VPS35L: variants seen among roughly 807,000 people sequenced by gnomAD.
The protein encoded by VPS35L is VPS35 endosomal protein sorting factor like.
In VPS35L, 83 loss-of-function variants were observed where a neutral mutation model predicts 133.0. The ratio of observed to expected loss-of-function variants is 0.62; its 90% CI spans 0.52 to 0.75. VPS35L has a LOEUF of 0.75. VPS35L is among the 30% of genes least tolerant of loss of function. VPS35L has a pLI of 0.00. For synonymous variants in VPS35L, 423 were observed against 449.9 expected, an observed-to-expected ratio of 0.94 and a Z score of 0.76; for missense variants, 1,083 against 1,206.8, an observed-to-expected ratio of 0.90 and a Z score of 1.52.
rs886799389 is a variant in VPS35L, at chr16:19,651,920, A to T, written c.2107-56A>T. The T allele has an allele frequency of 2.3e-5, 28 of 1,202,060 alleles. No individual in the cohort carries two copies. In the African/African-American group the frequency reaches 3.9e-4, roughly 17 times the overall value. The allele number at this position is 1,202,060 out of a possible 1,614,324, so 74.5% of individuals were successfully genotyped here. On this transcript the variant is annotated intron_variant, in intron 25 of 30. Transcript: ENST00000417362. ...GAAATACATGAGGGATGAAAACAGG[A>T]GTATGATTCTGCCACCGTTGCACTG...
Position 19,616,756 on chromosome 16 carries a change from A to G in VPS35L, c.1172A>G (p.Tyr391Cys). 6.2e-7 allele frequency: 1 copy of G among 1,613,926 alleles called. No individual in the cohort carries two copies. Among genetic ancestry groups the G allele is most frequent in the East Asian group, 2.2e-5 (1 of 44,874 alleles). ...GVELPSYLPL[Y>C]PPAMDWIFQC... ...GAGCTCCCATCTTACCTCCCCTTGT[A>G]CCCGCCTGCCATGGACTGGATCTTC... The change falls in exon 14 of 31, where the codon TAC becomes TGC. Residue 391 changes from tyrosine (Y) to cysteine (C), a missense_variant. Coordinates refer to ENST00000417362, the MANE Select transcript of VPS35L (RefSeq NM_020314.7).
intron 8 of VPS35L, among the ~76,000 whole-genome samples, chr16:19,593,856 G>T (rs1972117339): frequency 6.6e-6 from 1 of 151,522 alleles, no homozygotes; most frequent in South Asian, 2.1e-4. Context: ...GGTGGAGATT[G>T]CAGTGGGCCA....
chr16:19,567,961 C>A lies in VPS35L; in HGVS notation c.118-1463C>A, dbSNP rs372052288. ...CTCCAGGCTTAGTGACAAAGCGAGA[C>A]CCTGTCTCCAAAAAAAAAAAAAAAA... On this transcript the variant is annotated intron_variant, in intron 2 of 30. Transcript: ENST00000417362. Among the ~76,000 whole-genome samples the A allele has an allele frequency of 8.2e-5, 12 of 145,468 alleles. No homozygotes were observed. The East Asian group carries it at 1.8e-3, about 22-fold the overall frequency.
chr16:19,571,346 A>C lies in VPS35L; in HGVS notation c.285+1755A>C, dbSNP rs565107148. Among the ~76,000 whole-genome samples the C allele has an allele frequency of 4.6e-5, 7 of 152,076 alleles. No individual in the cohort carries two copies. The South Asian group carries it at 1.5e-3, about 32-fold the overall frequency. On this transcript the variant is annotated intron_variant, in intron 3 of 30. Coordinates refer to ENST00000417362, the MANE Select transcript of VPS35L (RefSeq NM_020314.7). Reference sequence around the variant, plus strand: ...ATCCCCCTGCCTCAGCCTCTCGAGCAGCTGGGACTTCAGGTGTGTGCCACC... The same window carrying C: ...ATCCCCCTGCCTCAGCCTCTCGAGCCGCTGGGACTTCAGGTGTGTGCCACC...
intron 22 of VPS35L, among the ~76,000 whole-genome samples, chr16:19,644,590 G>T (rs1421743544): frequency 6.6e-6 from 1 of 152,096 alleles, no homozygotes; most frequent in Non-Finnish European, 1.5e-5. Flanking sequence ...TACAAAATTT[G>T]ACATTAGACC....
chr16:19,607,755 C>G (rs1343844580), intron 9 of VPS35L: 3 of 159,062 alleles, frequency 1.9e-5, no homozygotes, highest in Non-Finnish European at 4.2e-5. Flanking sequence ...GGTAGGTAAC[C>G]AAGAACCTCT....
chr16:19,637,763 A>G, intron 20 of VPS35L, 107 bp downstream of exon 20: 1 of 738,894 alleles, frequency 1.4e-6, no homozygotes. Context: ...AATATTCAGC[A>G]GTTCCTTTTA....
rs768261008 is a variant in VPS35L at position 19,608,147 on chromosome 16, G to A, written c.785-31G>A. On this transcript the variant is annotated intron_variant, in intron 9 of 30. Coordinates refer to ENST00000417362, the MANE Select transcript of VPS35L (RefSeq NM_020314.7). ...CTCACACAGATCCTGAGATTTAGGA[G>A]GGCTGATGGATCTTGTTTTTTGTAT... 26 of 1,524,668 alleles carry A rather than the reference G, an allele frequency of 1.7e-5. No homozygotes were observed. In the East Asian group the frequency reaches 5.6e-4, roughly 33 times the overall value. The allele number at this position is 1,524,668 out of a possible 1,614,324, so 94.4% of individuals were successfully genotyped here.
rs1023451014 is a variant in VPS35L at position 19,625,363 on chromosome 16, C to T, written c.1225-814C>T. ...TGGCTGGTGGGCACTAAGCTCTAGC[C>T]CAGTGTTTGTTGCTGATATTACTAA... On this transcript the variant is annotated intron_variant, in intron 14 of 30. Transcript: ENST00000417362. Among the ~76,000 whole-genome samples, 4 of 152,094 alleles carry T rather than the reference C, an allele frequency of 2.6e-5. No individual in the cohort carries two copies. In the East Asian group the frequency reaches 5.8e-4, roughly 22 times the overall value.
At chr16:19,589,996 T>C (rs554066180) in intron 7 of VPS35L, among the ~76,000 whole-genome samples, 5 of 152,214 alleles carry the variant, frequency 3.3e-5, no homozygotes, top group African/African-American at 1.2e-4. Context: ...TGAAATCTCA[T>C]GGGGGCAGCT....
intron 17 of VPS35L, 29 bp from the exon 18 acceptor site, chr16:19,629,738 T>C (rs373606832): frequency 5.6e-6 from 9 of 1,603,688 alleles, no homozygotes; most frequent in South Asian, 2.2e-5. Flanking sequence ...TTGTACTTAA[T>C]GTTAAGATGT....
In VPS35L at chr16:19,569,570, C is replaced by G. The variant is rs761780737; in HGVS notation, c.264C>G (p.Pro88=). 6.4e-7 allele frequency: 1 copy of G among 1,562,778 alleles called. No individual in the cohort carries two copies. Reference sequence around the variant, plus strand: ...CCATGTTTGCAGCCACTGCTGACCCCGCAGCCTTGGCAGCTGCCATGGTAA... The same window carrying G: ...CCATGTTTGCAGCCACTGCTGACCCGGCAGCCTTGGCAGCTGCCATGGTAA... The part of the protein sequence containing the change: ...PLSMFAATAD[P]AALAAAMDSS... Residue 88 remains proline (P), a synonymous_variant, in exon 3 of 31, where the codon CCC becomes CCG. Coordinates refer to ENST00000417362, the MANE Select transcript of VPS35L (RefSeq NM_020314.7).
At chr16:19,692,903 T>G (rs1174123513) in intron 29 of VPS35L, among the ~76,000 whole-genome samples, 9 of 152,196 alleles carry the variant, frequency 5.9e-5, no homozygotes, top group Admixed American at 5.9e-4. Flanking sequence ...AGCGTGTGTT[T>G]GAGAGAGTAG....
chr16:19,699,344 T>G lies in VPS35L; in HGVS notation c.2647-158T>G. 1.2e-6 allele frequency: 1 copy of G among 850,226 alleles called. No homozygotes were observed. The highest frequency in any genetic ancestry group is 1.7e-5 in the South Asian group (1 of 57,976). 52.7% of individuals were successfully genotyped at this position (850,226 alleles called of 1,614,324 possible). A position where few individuals can be genotyped will look rare whatever the true frequency, so the allele number is the denominator to read the frequency against. ...CACTTACAGATGAAGCAGCTGGGAC[T>G]TTGGGAGGTTCAGCAGCTTGCCCTA... On this transcript the variant is annotated intron_variant, in intron 29 of 30. Transcript: ENST00000417362. The surrounding 1 kb of genome is among the most constrained non-coding windows in gnomAD (Gnocchi z 4.2).
At chr16:19,578,011 C>T (rs1176806237) in intron 5 of VPS35L, among the ~76,000 whole-genome samples, 1 of 152,214 alleles carries the variant, frequency 6.6e-6, no homozygotes, top group Non-Finnish European at 1.5e-5. Context: ...ACCCTTTGAT[C>T]CAGCATTCCA....
rs867088086 is a variant in VPS35L, at chr16:19,615,669, A to G, written c.1024-445A>G. 5.1e-5 allele frequency among the ~76,000 whole-genome samples: 7 copies of G among 136,586 alleles called. No individual in the cohort carries two copies. In the South Asian group the frequency reaches 9.6e-4, roughly 19 times the overall value. 89.6% of individuals were successfully genotyped at this position (136,586 alleles called of 152,430 possible). A position where few individuals can be genotyped will look rare whatever the true frequency, so the allele number is the denominator to read the frequency against. On this transcript the variant is annotated intron_variant, in intron 12 of 30. Coordinates refer to ENST00000417362, the MANE Select transcript of VPS35L (RefSeq NM_020314.7). ...TGTCTCAAAACAAAACAAAAAACAG[A>G]TAAGGAAAAAAAAAATAGGCCGGGC...
At chr16:19,581,095 G>T (rs1443086094) in intron 6 of VPS35L, among the ~76,000 whole-genome samples, 1 of 152,098 alleles carries the variant, frequency 6.6e-6, no homozygotes, top group Non-Finnish European at 1.5e-5. Context: ...ACCCTGTCAT[G>T]TCTTATTGCT....
chr16:19,561,324 T>A (rs1317150130), intron 1 of VPS35L, among the ~76,000 whole-genome samples: 1 of 152,076 alleles, frequency 6.6e-6, no homozygotes. Flanking sequence ...TGAGCGGAGA[T>A]CGCGCCACTG....
chr16:19,654,185 C>T (rs1031808642), intron 26 of VPS35L, among the ~76,000 whole-genome samples: 2 of 152,110 alleles, frequency 1.3e-5, no homozygotes, highest in Non-Finnish European at 1.5e-5. Context: ...CAGCTCCTTA[C>T]GGAGGCCTCT....
Sources: gnomAD v4.1 joint callset for allele counts (sites outside exome capture counted in the v4.1 genomes callset) on GRCh38, gnomAD v4.1.1 for gene constraint, Gnocchi (gnomAD v3.1) non-coding constraint, MANE v1.5 for transcripts, NCBI Gene and HGNC (gene_info 2026-07-23, HGNC 2026-07-21) for gene names.